Variants in GRIK2 observed in about 807,000 individuals in gnomAD.
GRIK2 encodes glutamate ionotropic receptor kainate type subunit 2.
In GRIK2, 32 loss-of-function variants were observed where a neutral mutation model predicts 100.3. That is an observed-to-expected ratio of 0.32 (90% CI 0.24 to 0.43). The LOEUF (loss-of-function observed/expected upper bound fraction) is 0.43. Among genes scored for constraint, GRIK2 ranks in the 20% least tolerant of loss-of-function variants. GRIK2 has a pLI of 1.00. For synonymous variants in GRIK2, 417 were observed against 389.4 expected (o/e 1.07, Z -0.83); for missense variants, 843 against 1,114.9 (o/e 0.76, Z 3.47).
At chr6:102,044,207 G>A (rs1770755416) in intron 15 of GRIK2, among the ~76,000 whole-genome samples, 1 of 152,042 alleles carries the variant, frequency 6.6e-6, no homozygotes, top group Non-Finnish European at 1.5e-5. Flanking sequence ...TCAGATAAAA[G>A]TGAACCAATC....
chr6:101,922,183 C>T (rs1436948507), intron 12 of GRIK2, among the ~76,000 whole-genome samples: 1 of 143,532 alleles, frequency 7.0e-6, no homozygotes, highest in Non-Finnish European at 1.5e-5. Flanking sequence ...TTTCCTTCCT[C>T]TTCAGATTAT....
chr6:101,756,248 A>C (rs1460659929), intron 7 of GRIK2, among the ~76,000 whole-genome samples: 2 of 152,198 alleles, frequency 1.3e-5, no homozygotes, highest in Non-Finnish European at 2.9e-5. Context: ...GTCAAGAACA[A>C]ACACACACAA....
At chr6:101,790,023 A>G (rs541743691) in intron 7 of GRIK2, among the ~76,000 whole-genome samples, 2 of 152,298 alleles carry the variant, frequency 1.3e-5, no homozygotes, top group Admixed American at 6.5e-5. Context: ...TTATTGGTGT[A>G]TAAGAATGCT....
intron 14 of GRIK2, among the ~76,000 whole-genome samples, chr6:101,959,111 A>G (rs1192816136): frequency 6.6e-6 from 1 of 152,080 alleles, no homozygotes; most frequent in East Asian, 1.9e-4. Context: ...ATACCATAAA[A>G]TTGATTGATA....
At chr6:101,600,385 A>G (rs1779153555) in intron 2 of GRIK2, among the ~76,000 whole-genome samples, 1 of 151,556 alleles carries the variant, frequency 6.6e-6, no homozygotes, top group South Asian at 2.1e-4. Flanking sequence ...TTTTTGGGCT[A>G]TTTTTTGGTT....
chr6:101,557,780 C>T, intron 2 of GRIK2, among the ~76,000 whole-genome samples: 1 of 152,156 alleles, frequency 6.6e-6, no homozygotes, highest in East Asian at 1.9e-4. Flanking sequence ...TTCCTGTTTT[C>T]CTTCAGCTAC....
intron 4 of GRIK2, among the ~76,000 whole-genome samples, chr6:101,655,929 C>T (rs1782037196): frequency 6.6e-6 from 1 of 151,794 alleles, no homozygotes; most frequent in South Asian, 2.1e-4. Flanking sequence ...GAGATGGACC[C>T]TTCTCTCATC....
intron 2 of GRIK2, among the ~76,000 whole-genome samples, chr6:101,513,532 A>T (rs758865720): frequency 1.5e-4 from 23 of 152,166 alleles, no homozygotes; most frequent in Non-Finnish European, 3.4e-4. Context: ...TTGCAGGGGC[A>T]TTTCAAAATA....
intron 2 of GRIK2, among the ~76,000 whole-genome samples, chr6:101,400,933 T>G (rs916728910): frequency 6.6e-6 from 1 of 152,226 alleles, no homozygotes; most frequent in African/African-American, 2.4e-5. Flanking sequence ...CAGGAATGAT[T>G]GTTTCTGTGG....
At chr6:101,703,741 A>G (rs1049517883) in intron 7 of GRIK2, among the ~76,000 whole-genome samples, 21 of 151,718 alleles carry the variant, frequency 1.4e-4, no homozygotes, top group African/African-American at 4.8e-4. Flanking sequence ...TGTTGCAGGA[A>G]AGAGTGAAGA....
At chr6:101,694,732 C>A (rs1167594471) in intron 7 of GRIK2, among the ~76,000 whole-genome samples, 1 of 151,816 alleles carries the variant, frequency 6.6e-6, no homozygotes, top group Non-Finnish European at 1.5e-5. Flanking sequence ...TAAAAATACA[C>A]CAAACTAAAC....
chr6:101,671,312 T>C (rs982370296), intron 4 of GRIK2, among the ~76,000 whole-genome samples: 2 of 152,188 alleles, frequency 1.3e-5, no homozygotes, highest in East Asian at 3.8e-4. Flanking sequence ...AAATTCATTA[T>C]TAGTTATTTA....
At chr6:101,458,302 T>C (rs1771116278) in intron 2 of GRIK2, among the ~76,000 whole-genome samples, 1 of 152,228 alleles carries the variant, frequency 6.6e-6, no homozygotes, top group South Asian at 2.1e-4. Context: ...ACAATATGTT[T>C]GTGAAAAGCC....
chr6:101,692,883 C>T (rs945142420), intron 7 of GRIK2, among the ~76,000 whole-genome samples: 1 of 151,876 alleles, frequency 6.6e-6, no homozygotes, highest in African/African-American at 2.4e-5. Context: ...GTCATAAGTA[C>T]AACATTTGTT....
rs961712702 is a variant in GRIK2 at position 102,059,388 on chromosome 6, A to T, written c.2562+3808A>T. Among the ~76,000 whole-genome samples the T allele has an allele frequency of 2.0e-5, 3 of 151,344 alleles. No homozygotes were observed. In the East Asian group the frequency reaches 5.8e-4, roughly 29 times the overall value. ...GGTAACTAATCAACACATGCATTTT[A>T]TAATTATTTTTCTTTTTGCCTTATC... On this transcript the variant is annotated intron_variant, in intron 16 of 16. Coordinates refer to ENST00000369134, the MANE Select transcript of GRIK2 (RefSeq NM_021956.5).
chr6:102,005,550 T>G (rs770434847), intron 14 of GRIK2, among the ~76,000 whole-genome samples: 1 of 152,174 alleles, frequency 6.6e-6, no homozygotes, highest in Non-Finnish European at 1.5e-5. Context: ...CCTTCCTATA[T>G]AAATCTTTCC....
At chr6:101,511,383 AATATT>A (rs1582613556) in intron 2 of GRIK2, among the ~76,000 whole-genome samples, 1 of 152,150 alleles carries the variant, frequency 6.6e-6, no homozygotes, top group African/African-American at 2.4e-5. Context: ...AGTTCTGTAA[AATATT>A]ATAATTAGAT....
At chr6:101,947,378 T>C (rs950768339) in intron 14 of GRIK2, among the ~76,000 whole-genome samples, 5 of 152,190 alleles carry the variant, frequency 3.3e-5, no homozygotes, top group Admixed American at 1.3e-4. Flanking sequence ...AAAATGTTTA[T>C]AACAAAGAAA....
intron 2 of GRIK2, among the ~76,000 whole-genome samples, chr6:101,534,751 A>C (rs984146897): frequency 6.6e-6 from 1 of 151,898 alleles, no homozygotes; most frequent in Admixed American, 6.6e-5. Context: ...TAAAACAACA[A>C]AACTCACCAA....
Sources: gnomAD v4.1 joint callset for allele counts (sites outside exome capture counted in the v4.1 genomes callset) on GRCh38, gnomAD v4.1.1 for gene constraint, MANE v1.5 for transcripts, NCBI Gene and HGNC (gene_info 2026-07-23, HGNC 2026-07-21) for gene names.